Variants in CNTNAP5 observed in about 807,000 individuals in gnomAD.
The protein encoded by CNTNAP5 is contactin-associated protein-like 5.
CNTNAP5 carries 72 observed loss-of-function variants against 150.2 expected under a neutral mutation model. The ratio of observed to expected loss-of-function variants is 0.48; its 90% CI spans 0.40 to 0.58. The LOEUF is 0.58. Ranked by LOEUF, CNTNAP5 falls within the 20% of genes least tolerant of loss-of-function variation. The probability of loss-of-function intolerance (pLI) is 0.00; values close to 1 mark genes in which losing one functional copy is unlikely to be tolerated. For synonymous variants in CNTNAP5, 672 were observed against 619.8 expected (o/e 1.08, Z -1.25); for missense variants, 1,636 against 1,626.2 (o/e 1.01, Z -0.10).
chr2:124,334,093 C>T (rs912715251), intron 3 of CNTNAP5, among the ~76,000 whole-genome samples: 7 of 152,068 alleles, frequency 4.6e-5, no homozygotes, highest in Non-Finnish European at 7.4e-5. Flanking sequence ...CCAGGACTCT[C>T]GGGGCTCCAT....
chr2:124,333,848 G>T (rs1378295289), intron 3 of CNTNAP5, among the ~76,000 whole-genome samples: 1 of 152,162 alleles, frequency 6.6e-6, no homozygotes, highest in Non-Finnish European at 1.5e-5. Context: ...AAGGACCTAA[G>T]CATGCAAAGA....
chr2:124,884,746 T>C (rs1309964269), intron 21 of CNTNAP5, among the ~76,000 whole-genome samples: 1 of 151,964 alleles, frequency 6.6e-6, no homozygotes, highest in African/African-American at 2.4e-5. Flanking sequence ...TCCCTTTATG[T>C]CTCATTTTTT....
At chr2:124,068,006 A>C (rs990752303) in intron 1 of CNTNAP5, among the ~76,000 whole-genome samples, 11 of 152,180 alleles carry the variant, frequency 7.2e-5, no homozygotes, top group African/African-American at 2.7e-4. Flanking sequence ...AGAAAAAGGG[A>C]GTACACAAGT....
intron 6 of CNTNAP5, among the ~76,000 whole-genome samples, chr2:124,467,810 G>A (rs1573393742): frequency 6.6e-6 from 1 of 152,056 alleles, no homozygotes; most frequent in African/African-American, 2.4e-5. Flanking sequence ...ACATAAAAAC[G>A]GTTTTGCTTC....
intron 2 of CNTNAP5, among the ~76,000 whole-genome samples, chr2:124,224,303 A>G (rs2104744013): frequency 6.6e-6 from 1 of 152,262 alleles, no homozygotes; most frequent in East Asian, 1.9e-4. Flanking sequence ...GTTGGCACAA[A>G]TAGGCACAAA....
At chr2:124,271,674 T>C (rs1687758195) in intron 3 of CNTNAP5, among the ~76,000 whole-genome samples, 1 of 118,818 alleles carries the variant, frequency 8.4e-6, no homozygotes, top group Non-Finnish European at 1.9e-5. Flanking sequence ...TCTATCTATC[T>C]ATCTATCTAT....
chr2:124,361,820 G>T (rs922063726), intron 3 of CNTNAP5, among the ~76,000 whole-genome samples: 1 of 152,176 alleles, frequency 6.6e-6, no homozygotes, highest in Non-Finnish European at 1.5e-5. Context: ...GCCTCCTTGA[G>T]CTGTGGTGAG....
intron 17 of CNTNAP5, among the ~76,000 whole-genome samples, chr2:124,774,336 T>C (rs1161194650): frequency 6.6e-6 from 1 of 152,148 alleles, no homozygotes; most frequent in Non-Finnish European, 1.5e-5. Context: ...CTTTTAGCTC[T>C]GAGGAAAGCA....
At chr2:124,386,355 A>G (rs1690926518) in intron 3 of CNTNAP5, among the ~76,000 whole-genome samples, 1 of 152,208 alleles carries the variant, frequency 6.6e-6, no homozygotes, top group African/African-American at 2.4e-5. Flanking sequence ...ACTCTACATT[A>G]TAAGTAACCT....
chr2:124,054,633 A>C (rs1303279469), intron 1 of CNTNAP5, among the ~76,000 whole-genome samples: 3 of 152,192 alleles, frequency 2.0e-5, no homozygotes, highest in Non-Finnish European at 4.4e-5. Context: ...ATTGCTGTTC[A>C]AATCCCAAGT....
Position 124,798,289 on chromosome 2 carries a change from G to A in CNTNAP5, c.3186G>A (p.Gln1062=). The A allele has an allele frequency of 1.2e-6, 2 of 1,613,728 alleles. No individual in the cohort carries two copies. Among genetic ancestry groups the A allele is most frequent in the South Asian group, 1.1e-5 (1 of 91,076 alleles). The change falls in exon 19 of 24, where the codon CAG becomes CAA. Residue 1062 remains glutamine (Q), a synonymous_variant. Transcript: ENST00000682447. ...TGCTCTTTATCAATTCTTCTTCTCA[G>A]GACTTCGTGGTTGTTCTGCTCTGCA... is the stretch of plus-strand genomic sequence containing the variant. ...SLLLFINSSS[Q]DFVVVLLCKN...
At chr2:124,158,537 C>T (rs557434745) in intron 1 of CNTNAP5, among the ~76,000 whole-genome samples, 1 of 152,176 alleles carries the variant, frequency 6.6e-6, no homozygotes, top group Non-Finnish European at 1.5e-5. Flanking sequence ...TGGATTTTTT[C>T]CCCAAATATT....
Position 124,857,679 on chromosome 2 carries a change from A to G in CNTNAP5, c.3218-7627A>G, listed in dbSNP as rs556992057. 1.1e-4 allele frequency among the ~76,000 whole-genome samples: 17 copies of G among 152,192 alleles called. No individual in the cohort carries two copies. In the East Asian group the frequency reaches 3.3e-3, roughly 29 times the overall value. On this transcript the variant is annotated intron_variant, in intron 19 of 23. Transcript: ENST00000682447. ...TGTCTCCACTAAAAAAAAAAGAAAA[A>G]AAAATGAATAGTTAGCTGGGCACGG... is the stretch of plus-strand genomic sequence containing the variant.
intron 3 of CNTNAP5, among the ~76,000 whole-genome samples, chr2:124,307,656 G>A (rs1209518842): frequency 6.6e-6 from 1 of 152,188 alleles, no homozygotes; most frequent in African/African-American, 2.4e-5. Context: ...AGGAAGACAA[G>A]TTCTTGCTTT....
intron 1 of CNTNAP5, among the ~76,000 whole-genome samples, chr2:124,026,820 G>T (rs1680904156): frequency 6.6e-6 from 1 of 152,196 alleles, no homozygotes; most frequent in Non-Finnish European, 1.5e-5. Context: ...GAGAACAGTA[G>T]GAAGATTACT....
chr2:124,490,044 C>G (rs568447996), intron 7 of CNTNAP5, among the ~76,000 whole-genome samples: 1 of 152,258 alleles, frequency 6.6e-6, no homozygotes, highest in African/African-American at 2.4e-5. Flanking sequence ...AGGCAGAGTG[C>G]AGTGGCTTAA....
intron 1 of CNTNAP5, among the ~76,000 whole-genome samples, chr2:124,117,333 TCTTA>T (rs1359024502): frequency 2.0e-5 from 3 of 152,170 alleles, no homozygotes; most frequent in South Asian, 2.1e-4. Flanking sequence ...TTGACTTGTC[TCTTA>T]CTTGTCTCAC....
intron 5 of CNTNAP5, among the ~76,000 whole-genome samples, chr2:124,440,959 GA>G: frequency 1.3e-5 from 2 of 152,182 alleles, no homozygotes; most frequent in Admixed American, 1.3e-4. Flanking sequence ...ATAATTTCGT[GA>G]GAATTAAGTG....
intron 3 of CNTNAP5, among the ~76,000 whole-genome samples, chr2:124,389,669 T>A (rs1691059759): frequency 6.6e-6 from 1 of 152,018 alleles, no homozygotes; most frequent in African/African-American, 2.4e-5. Context: ...TTTTAAAAAA[T>A]AATAATAATA....
Sources: gnomAD v4.1 joint callset for allele counts (sites outside exome capture counted in the v4.1 genomes callset) on GRCh38, gnomAD v4.1.1 for gene constraint, MANE v1.5 for transcripts, NCBI Gene and HGNC (gene_info 2026-07-23, HGNC 2026-07-21) for gene names.